Variants in IL1RAPL2 observed in about 807,000 individuals in gnomAD.
IL1RAPL2 encodes interleukin 1 receptor accessory protein like 2, also known as X-linked interleukin-1 receptor accessory protein-like 2.
In IL1RAPL2, 3 loss-of-function variants were observed where a neutral mutation model predicts 44.1. That is an observed-to-expected ratio of 0.07 (90% CI 0.03 to 0.18). The LOEUF (loss-of-function observed/expected upper bound fraction) is 0.18. Ranked by LOEUF, IL1RAPL2 falls within the 10% of genes least tolerant of loss-of-function variation. IL1RAPL2 has a pLI of 1.00. For synonymous variants in IL1RAPL2, 181 were observed against 178.8 expected, an observed-to-expected ratio of 1.01 and a Z score of -0.10; for missense variants, 391 against 496.4, an observed-to-expected ratio of 0.79 and a Z score of 2.02.
chrX:104,658,891 TCAGC>T lies in IL1RAPL2; in HGVS notation c.-19-3_-19del. On this transcript the variant is annotated splice_acceptor_variant and splice_polypyrimidine_tract_variant and 5_prime_UTR_variant and intron_variant, in exon 2 of 11. Coordinates refer to ENST00000372582, the MANE Select transcript of IL1RAPL2 (RefSeq NM_017416.2). LOFTEE classifies it low-confidence loss of function (5UTR_SPLICE). ...ACTTTATATCCTTTTTTTTGACTTT[TCAGC>T]TGTCAAGAAAAGTGAAGGATGAAGC... 8.6e-7 allele frequency: 1 copy of T among 1,163,572 alleles called. No homozygotes were observed. Among genetic ancestry groups the T allele is most frequent in the Non-Finnish European group, 1.2e-6 (1 of 854,070 alleles).
intron 1 of IL1RAPL2, among the ~76,000 whole-genome samples, chrX:104,582,874 C>CTTTCTTT (rs1569487730): frequency 1.6e-3 from 26 of 16,501 alleles, no homozygotes; most frequent in African/African-American, 7.6e-3. Context: ...CTTTCTTTTT[C>CTTTCTTT]TTTTCTTTTC....
chrX:105,137,189 A>G (rs919519054), intron 2 of IL1RAPL2, among the ~76,000 whole-genome samples: 1 of 112,310 alleles, frequency 8.9e-6, no homozygotes, highest in South Asian at 3.7e-4. Flanking sequence ...GTGTTGTCCA[A>G]TGTAATAGCT....
intron 3 of IL1RAPL2, among the ~76,000 whole-genome samples, chrX:105,203,261 T>A (rs2147616044): frequency 8.9e-6 from 1 of 111,998 alleles, no homozygotes; most frequent in African/African-American, 3.2e-5. Context: ...TCCCATATCA[T>A]GAAATTTTCT....
At position 104,829,303 on chromosome X, in the gene IL1RAPL2, A is replaced by G. The variant is rs760676582; in HGVS notation, c.82+170308A>G. 4.5e-5 allele frequency among the ~76,000 whole-genome samples: 5 copies of G among 112,066 alleles called. No homozygotes were observed. In the East Asian group the frequency reaches 1.1e-3, roughly 25 times the overall value. ...TCCTGTTCTGTGGGTTGCAAAGACC[A>G]TGGGAAAAGCATAGTATCTGGGCTG... is the stretch of plus-strand genomic sequence containing the variant. On this transcript the variant is annotated intron_variant, in intron 2 of 10. Transcript: ENST00000372582.
chrX:105,409,500 C>G (rs1303861440), intron 5 of IL1RAPL2, among the ~76,000 whole-genome samples: 3 of 111,000 alleles, frequency 2.7e-5, no homozygotes, highest in Non-Finnish European at 5.7e-5. Flanking sequence ...ACAAAACATA[C>G]AAAAATTATC....
At chrX:104,605,629 T>C (rs1320576524) in intron 1 of IL1RAPL2, among the ~76,000 whole-genome samples, 2 of 111,362 alleles carry the variant, frequency 1.8e-5, no homozygotes, top group Non-Finnish European at 3.8e-5. Flanking sequence ...AAGAGTGATA[T>C]AGGGGATATC....
At position 104,881,217 on chromosome X, in the gene IL1RAPL2, T is replaced by C. The variant is rs1217254473; in HGVS notation, c.82+222222T>C. Reference sequence around the variant, plus strand: ...TTTTTCATGCACCTAGAGAATATTTTAAACACATAAAAAATGAGATATACC... The same window carrying C: ...TTTTTCATGCACCTAGAGAATATTTCAAACACATAAAAAATGAGATATACC... On this transcript the variant is annotated intron_variant, in intron 2 of 10. Coordinates refer to ENST00000372582, the MANE Select transcript of IL1RAPL2 (RefSeq NM_017416.2). Among the ~76,000 whole-genome samples, 3 of 111,344 alleles carry C rather than the reference T, an allele frequency of 2.7e-5. No homozygotes were observed. In the East Asian group the frequency reaches 8.4e-4, roughly 31 times the overall value.
intron 6 of IL1RAPL2, among the ~76,000 whole-genome samples, chrX:105,492,299 A>C (rs917435291): frequency 9.0e-6 from 1 of 110,792 alleles, no homozygotes; most frequent in Non-Finnish European, 1.9e-5. Flanking sequence ...TTTCAACAAG[A>C]TCTGTTTCAC....
At position 105,505,595 on chromosome X, in the gene IL1RAPL2, T is replaced by A. The variant is rs150631189; in HGVS notation, c.772+21208T>A. 2.1e-3 allele frequency among the ~76,000 whole-genome samples: 234 copies of A among 111,348 alleles called. 1 individual carries two copies. The highest frequency in any genetic ancestry group is 7.4e-3 in the African/African-American group (226 of 30,727). Reference sequence around the variant, plus strand: ...AAAAAAATGTTGAGAATATTTGAGATACTTCATTTAAGTCCAGTATAGCTA... The same window carrying A: ...AAAAAAATGTTGAGAATATTTGAGAAACTTCATTTAAGTCCAGTATAGCTA... On this transcript the variant is annotated intron_variant, in intron 6 of 10. Coordinates refer to ENST00000372582, the MANE Select transcript of IL1RAPL2 (RefSeq NM_017416.2).
At chrX:105,151,275 G>A (rs2033224902) in intron 2 of IL1RAPL2, among the ~76,000 whole-genome samples, 1 of 111,295 alleles carries the variant, frequency 9.0e-6, no homozygotes, top group African/African-American at 3.3e-5. Flanking sequence ...TTCCTTGGAA[G>A]TATTTTTAGT....
Position 105,106,661 on chromosome X carries a change from G to GA in IL1RAPL2, c.83-88810dup, listed in dbSNP as rs1422364158. On this transcript the variant is annotated intron_variant, in intron 2 of 10. Coordinates refer to ENST00000372582, the MANE Select transcript of IL1RAPL2 (RefSeq NM_017416.2). ...AGAGATTAAATTTCAAAGCCACTGA[G>GA]AAAAGGGATAAGATAAAATAGTCGT... 1.3e-3 allele frequency among the ~76,000 whole-genome samples: 147 copies of GA among 110,783 alleles called. 1 individual carries two copies. The highest frequency in any genetic ancestry group is 4.8e-3 in the African/African-American group (145 of 30,498).
chrX:105,653,243 A>T (rs142530540), intron 6 of IL1RAPL2, among the ~76,000 whole-genome samples: 2,091 of 111,521 alleles, frequency 0.019, 22 homozygotes, highest in Middle Eastern at 0.088. Context: ...CAGAAACTTG[A>T]ATTTCCTCCT....
chrX:104,944,605 A>G (rs557143766), intron 2 of IL1RAPL2, among the ~76,000 whole-genome samples: 6 of 111,929 alleles, frequency 5.4e-5, no homozygotes, highest in African/African-American at 1.3e-4. Flanking sequence ...TATGAGGACA[A>G]TGCTGCCTCC....
At chrX:105,377,737 A>T (rs2035399046) in intron 5 of IL1RAPL2, among the ~76,000 whole-genome samples, 1 of 111,297 alleles carries the variant, frequency 9.0e-6, no homozygotes, top group African/African-American at 3.3e-5. Context: ...AGTACCATGA[A>T]AAAGAAACTC....
intron 2 of IL1RAPL2, among the ~76,000 whole-genome samples, chrX:104,824,080 G>C (rs1235881656): frequency 8.9e-6 from 1 of 111,967 alleles, no homozygotes; most frequent in African/African-American, 3.2e-5. Flanking sequence ...CTAGTTTATT[G>C]ATAGTTTTTA....
In IL1RAPL2 at chrX:104,730,670, T is replaced by C. The variant is rs368630178; in HGVS notation, c.82+71675T>C. On this transcript the variant is annotated intron_variant, in intron 2 of 10. Transcript: ENST00000372582. The stretch of plus-strand genomic sequence containing the variant: ...CAAGTCTTTGCTATTGTGAATAGTG[T>C]CGCAATAAACATACGTGTGCATGTG... Among the ~76,000 whole-genome samples the C allele has an allele frequency of 3.3e-3, 341 of 104,841 alleles. 1 individual carries two copies. The highest frequency in any genetic ancestry group is 0.011 in the African/African-American group (325 of 29,390). The allele number at this position is 104,841 out of a possible 115,157, so 91.0% of individuals were successfully genotyped here. A position where few individuals can be genotyped will look rare whatever the true frequency, so the allele number is the denominator to read the frequency against.
chrX:105,549,716 A>T (rs899230100), intron 6 of IL1RAPL2, among the ~76,000 whole-genome samples: 3 of 111,302 alleles, frequency 2.7e-5, no homozygotes, highest in African/African-American at 9.8e-5. Flanking sequence ...TACCTTTCAT[A>T]GGTATAAACA....
At chrX:105,467,081 T>C (rs1263765188) in intron 5 of IL1RAPL2, among the ~76,000 whole-genome samples, 4 of 111,620 alleles carry the variant, frequency 3.6e-5, no homozygotes, top group East Asian at 2.8e-4. Context: ...CACTACTGTA[T>C]TGGGGACTGA....
intron 6 of IL1RAPL2, among the ~76,000 whole-genome samples, chrX:105,604,676 C>G (rs1384064199): frequency 2.7e-5 from 3 of 110,907 alleles, no homozygotes; most frequent in Non-Finnish European, 3.8e-5. Context: ...GAAACCAAAA[C>G]CAGACAAGGA....
Sources: allele counts gnomAD v4.1 joint callset (sites outside exome capture counted in the v4.1 genomes callset), GRCh38; gene constraint gnomAD v4.1.1; transcripts MANE v1.5; gene names NCBI Gene and HGNC (gene_info 2026-07-23, HGNC 2026-07-21).